PDE10A: variants seen among roughly 807,000 people sequenced by gnomAD.
The protein encoded by PDE10A is cAMP and cAMP-inhibited cGMP 3',5'-cyclic phosphodiesterase 10A.
A neutral mutation model predicts 97.7 loss-of-function variants in PDE10A; 39 were observed. That is an observed-to-expected ratio of 0.40 (90% CI 0.31 to 0.52). PDE10A has a LOEUF of 0.52. PDE10A is among the 20% of genes least tolerant of loss of function. The pLI, the probability that PDE10A is intolerant of heterozygous loss-of-function variation, is 0.56. For missense variants in PDE10A, 731 were observed against 1,047.8 expected, an observed-to-expected ratio of 0.70 and a Z score of 4.17; for synonymous variants, 371 against 376.8, an observed-to-expected ratio of 0.98 and a Z score of 0.18.
At chr6:165,521,756 A>G (rs548825058) in intron 2 of PDE10A, among the ~76,000 whole-genome samples, 45 of 152,310 alleles carry the variant, frequency 3.0e-4, no homozygotes, top group African/African-American at 9.9e-4. Flanking sequence ...AGTTTAAGGA[A>G]AGACGCCATC....
chr6:165,973,423 A>T (rs12193705), intron 1 of PDE10A, among the ~76,000 whole-genome samples: 21,056 of 147,584 alleles, frequency 0.14, 1,866 homozygotes, highest in African/African-American at 0.25. Flanking sequence ...CAAAAAAAAA[A>T]AAAATAAAAT....
chr6:165,862,172 T>C (rs1780923078), intron 1 of PDE10A, among the ~76,000 whole-genome samples: 1 of 152,236 alleles, frequency 6.6e-6, no homozygotes, highest in Non-Finnish European at 1.5e-5. Flanking sequence ...CAGTATTAAC[T>C]GAGATACATG....
At chr6:165,877,612 T>C (rs1444790846) in intron 1 of PDE10A, among the ~76,000 whole-genome samples, 1 of 152,200 alleles carries the variant, frequency 6.6e-6, no homozygotes, top group Non-Finnish European at 1.5e-5. Context: ...GTGAAATGGC[T>C]AAATTGAGCT....
intron 1 of PDE10A, among the ~76,000 whole-genome samples, chr6:165,767,956 T>C (rs984487657): frequency 1.3e-5 from 2 of 152,220 alleles, no homozygotes; most frequent in African/African-American, 2.4e-5. Context: ...GCGTTTTTTG[T>C]GTTTTTTTTA....
intron 1 of PDE10A, among the ~76,000 whole-genome samples, chr6:165,582,238 G>C (rs1363088388): frequency 6.6e-6 from 1 of 152,108 alleles, no homozygotes; most frequent in Non-Finnish European, 1.5e-5. Context: ...CACCATAACA[G>C]CATATTTCTC....
intron 1 of PDE10A, among the ~76,000 whole-genome samples, chr6:165,557,797 T>C (rs962473510): frequency 4.6e-5 from 7 of 152,240 alleles, no homozygotes; most frequent in African/African-American, 1.4e-4. Context: ...TCAGGCATTG[T>C]ATTTTGTTTT....
At chr6:165,377,824 C>G (rs537077876) in intron 18 of PDE10A, among the ~76,000 whole-genome samples, 2 of 152,198 alleles carry the variant, frequency 1.3e-5, no homozygotes, top group Non-Finnish European at 2.9e-5. Flanking sequence ...GTAGACCACA[C>G]TTCTCATGTG....
chr6:165,678,327 C>T (rs1790883073), intron 1 of PDE10A, among the ~76,000 whole-genome samples: 1 of 100,778 alleles, frequency 9.9e-6, no homozygotes, highest in African/African-American at 3.8e-5. Flanking sequence ...GCATATCTTT[C>T]CTTCTGTTTG....
chr6:165,680,960 T>G (rs758951906), intron 1 of PDE10A, among the ~76,000 whole-genome samples: 13 of 152,224 alleles, frequency 8.5e-5, no homozygotes, highest in Non-Finnish European at 1.6e-4. Context: ...GGTGGCCAGC[T>G]TGAAGAAAAA....
chr6:165,504,746 A>G (rs1781093807), intron 2 of PDE10A, among the ~76,000 whole-genome samples: 1 of 152,146 alleles, frequency 6.6e-6, no homozygotes, highest in Non-Finnish European at 1.5e-5. Flanking sequence ...ATAACCTAAT[A>G]TATTAAATAG....
intron 18 of PDE10A, among the ~76,000 whole-genome samples, chr6:165,373,424 A>G (rs1784398193): frequency 6.6e-6 from 1 of 152,242 alleles, no homozygotes; most frequent in Non-Finnish European, 1.5e-5. Context: ...GGCAAAGGAT[A>G]TGAACGGACA....
chr6:165,425,770 C>CGTGTGTGTGTGTGTGTGTGTGT (rs57229720), intron 10 of PDE10A, among the ~76,000 whole-genome samples: 1 of 144,036 alleles, frequency 6.9e-6, no homozygotes, highest in African/African-American at 2.6e-5. Flanking sequence ...AAGGCATGAT[C>CGTGTGTGTGTGTGTGTGTGTGT]GTGTGTGTGT....
At chr6:165,802,608 G>C (rs975872970) in intron 1 of PDE10A, among the ~76,000 whole-genome samples, 1 of 152,212 alleles carries the variant, frequency 6.6e-6, no homozygotes, top group African/African-American at 2.4e-5. Flanking sequence ...GAAGAAAAAT[G>C]TTACCAAATT....
intron 2 of PDE10A, among the ~76,000 whole-genome samples, chr6:165,504,646 T>C (rs111918906): frequency 2.0e-5 from 3 of 152,260 alleles, no homozygotes; most frequent in African/African-American, 7.2e-5. Context: ...GTAAGACTGG[T>C]TTTTATTTCC....
intron 1 of PDE10A, among the ~76,000 whole-genome samples, chr6:165,722,769 G>T (rs192984694): frequency 6.6e-6 from 1 of 152,130 alleles, no homozygotes; most frequent in East Asian, 1.9e-4. Context: ...AGTAGTTCCT[G>T]CTACTGAGCC....
At chr6:165,674,095 T>C (rs1790725851) in intron 1 of PDE10A, among the ~76,000 whole-genome samples, 1 of 152,184 alleles carries the variant, frequency 6.6e-6, no homozygotes, top group South Asian at 2.1e-4. Flanking sequence ...GACTGTAGCC[T>C]TTGTTCTAGA....
At chr6:165,521,024 G>C (rs1490627170) in intron 2 of PDE10A, among the ~76,000 whole-genome samples, 1 of 152,114 alleles carries the variant, frequency 6.6e-6, no homozygotes, top group Non-Finnish European at 1.5e-5. Context: ...CAGCAAGCAA[G>C]TCTATCAGCA....
intron 13 of PDE10A, among the ~76,000 whole-genome samples, chr6:165,412,497 G>A (rs1040501226): frequency 6.6e-6 from 1 of 152,138 alleles, no homozygotes; most frequent in African/African-American, 2.4e-5. Flanking sequence ...AAAAATGTTT[G>A]AAGCAAAAGT....
intron 19 of PDE10A, among the ~76,000 whole-genome samples, chr6:165,342,741 G>A (rs997469679): frequency 5.3e-5 from 8 of 152,148 alleles, no homozygotes; most frequent in South Asian, 2.1e-4. Context: ...CTAGGTATCC[G>A]TGACTCATTT....
Sources: gnomAD v4.1 joint callset for allele counts (sites outside exome capture counted in the v4.1 genomes callset) on GRCh38, gnomAD v4.1.1 for gene constraint, MANE v1.5 for transcripts, NCBI Gene and HGNC (gene_info 2026-07-23, HGNC 2026-07-21) for gene names.